ATP9B: variants seen among roughly 807,000 people sequenced by gnomAD.
The protein encoded by ATP9B is probable phospholipid-transporting ATPase IIB.
Under a neutral mutation model 146.1 loss-of-function variants are expected in ATP9B, and 110 were observed. The ratio of observed to expected loss-of-function variants is 0.75; its 90% confidence interval spans 0.65 to 0.88. ATP9B has a LOEUF of 0.88. Among genes scored for constraint, ATP9B ranks in the 40% least tolerant of loss-of-function variants. The probability of loss-of-function intolerance (pLI) is 0.00; values close to 1 mark genes in which losing one functional copy is unlikely to be tolerated. For synonymous variants in ATP9B, 604 were observed against 569.7 expected (o/e 1.06, Z -0.86); for missense variants, 1,499 against 1,496.4 (o/e 1.00, Z -0.03).
At chr18:79,101,576 G>T (rs1264021545) in intron 2 of ATP9B, among the ~76,000 whole-genome samples, 1 of 152,152 alleles carries the variant, frequency 6.6e-6, no homozygotes, top group Non-Finnish European at 1.5e-5. Flanking sequence ...GGGTTGTATG[G>T]TAAGTGTATA....
chr18:79,070,980 GT>G (rs1229073717), intron 1 of ATP9B, among the ~76,000 whole-genome samples: 2 of 147,286 alleles, frequency 1.4e-5, no homozygotes, highest in Non-Finnish European at 3.0e-5. Context: ...TTACTGATAT[GT>G]TAGAATATAA....
chr18:79,224,585 G>A (rs1171442184), intron 11 of ATP9B, among the ~76,000 whole-genome samples: 1 of 152,152 alleles, frequency 6.6e-6, no homozygotes, highest in East Asian at 1.9e-4. Flanking sequence ...TCAAAAACAG[G>A]TCACGTGTGT....
chr18:79,248,205 CTT>C (rs907010753), intron 11 of ATP9B, among the ~76,000 whole-genome samples: 7 of 151,840 alleles, frequency 4.6e-5, no homozygotes, highest in Admixed American at 3.9e-4. Context: ...GAATAATAAA[CTT>C]CAGAAGGAAA....
At chr18:79,286,099 G>A (rs372922523) in intron 13 of ATP9B, among the ~76,000 whole-genome samples, 1,921 of 150,922 alleles carry the variant, frequency 0.013, 29 homozygotes, top group African/African-American at 0.037. Flanking sequence ...TTGGCGATGC[G>A]GGCTCTTTTT....
chr18:79,291,175 T>C (rs1461796848), intron 13 of ATP9B, among the ~76,000 whole-genome samples: 2 of 152,208 alleles, frequency 1.3e-5, no homozygotes, highest in African/African-American at 2.4e-5. Flanking sequence ...GCAGCTTTTT[T>C]TTTTTAAGAA....
At chr18:79,289,220 G>C (rs1599649410) in intron 13 of ATP9B, among the ~76,000 whole-genome samples, 1 of 152,202 alleles carries the variant, frequency 6.6e-6, no homozygotes, top group East Asian at 1.9e-4. Context: ...TTTCCAACTT[G>C]GTTCCATTCT....
chr18:79,282,426 C>T (rs149038834), intron 13 of ATP9B, among the ~76,000 whole-genome samples: 27 of 152,320 alleles, frequency 1.8e-4, no homozygotes, highest in African/African-American at 6.5e-4. Context: ...GGAATTGCCA[C>T]AGCCAGTCCA....
At chr18:79,179,164 A>G (rs1228671626) in intron 8 of ATP9B, among the ~76,000 whole-genome samples, 5 of 152,264 alleles carry the variant, frequency 3.3e-5, no homozygotes, top group African/African-American at 9.6e-5. Context: ...TAGCCATTTT[A>G]GGATTCCTTC....
At chr18:79,245,626 GGGAGGGTACCGCCCTACTGACTGA>G (rs1306771870) in intron 11 of ATP9B, among the ~76,000 whole-genome samples, 160 of 98,906 alleles carry the variant, frequency 1.6e-3, no homozygotes, top group African/African-American at 4.5e-3. Context: ...CTACTGACTG[GGGAGGGTACCGCCCTACTGACTGA>G]GGAGGGTACC....
chr18:79,231,282 A>T (rs2095788904), intron 11 of ATP9B, among the ~76,000 whole-genome samples: 2 of 152,174 alleles, frequency 1.3e-5, no homozygotes, highest in Admixed American at 1.3e-4. Context: ...TCTACAAGGA[A>T]CACAAGTCAT....
chr18:79,195,500 C>T (rs1373956980), intron 9 of ATP9B, among the ~76,000 whole-genome samples: 1 of 152,074 alleles, frequency 6.6e-6, no homozygotes, highest in Non-Finnish European at 1.5e-5. Flanking sequence ...AAAGAAAAAA[C>T]CTCAATGCAA....
chr18:79,348,248 GAAAAAAAAAA>G (rs56654324), intron 25 of ATP9B, 52 bp downstream of exon 25: 2 of 827,706 alleles, frequency 2.4e-6, no homozygotes, highest in Admixed American at 2.5e-5. Flanking sequence ...CTTCTATTTT[GAAAAAAAAAA>G]AAAAAAAAAA....
intron 12 of ATP9B, among the ~76,000 whole-genome samples, chr18:79,257,820 C>A (rs1392061113): frequency 1.3e-5 from 2 of 152,196 alleles, no homozygotes; most frequent in African/African-American, 4.8e-5. Flanking sequence ...CAGTTGATTT[C>A]TTTCAGTTCT....
intron 1 of ATP9B, among the ~76,000 whole-genome samples, chr18:79,074,940 G>A (rs916131472): frequency 1.3e-5 from 2 of 152,196 alleles, no homozygotes; most frequent in African/African-American, 4.8e-5. Context: ...GTAAGATATT[G>A]TGACTCAACC....
At chr18:79,218,973 T>G (rs1324055095) in intron 11 of ATP9B, among the ~76,000 whole-genome samples, 1 of 152,126 alleles carries the variant, frequency 6.6e-6, no homozygotes, top group Non-Finnish European at 1.5e-5. Context: ...AAGAGGAACC[T>G]TGCAGAACCC....
intron 21 of ATP9B, 55 bp from the exon 22 acceptor site, chr18:79,345,373 A>C: frequency 6.3e-7 from 1 of 1,595,208 alleles, no homozygotes. Context: ...CATTACACAA[A>C]TCTGGGACAC....
At chr18:79,081,843 T>C (rs1282903192) in intron 1 of ATP9B, among the ~76,000 whole-genome samples, 1 of 151,932 alleles carries the variant, frequency 6.6e-6, no homozygotes, top group African/African-American at 2.4e-5. Context: ...CTAAACATTT[T>C]TTCCTTCATT....
chr18:79,091,756 T>C (rs1230856508), intron 1 of ATP9B, among the ~76,000 whole-genome samples: 2 of 152,224 alleles, frequency 1.3e-5, no homozygotes, highest in Non-Finnish European at 2.9e-5. Flanking sequence ...CCAATTTGGA[T>C]TCCCCCTATA....
intron 12 of ATP9B, among the ~76,000 whole-genome samples, chr18:79,272,022 CTGCATAA>C (rs1445221547): frequency 5.9e-5 from 9 of 152,200 alleles, no homozygotes; most frequent in Non-Finnish European, 1.3e-4. Context: ...TGTCTTTTGG[CTGCATAA>C]ATGTCTTCTT....
Sources: gnomAD v4.1 joint callset for allele counts (sites outside exome capture counted in the v4.1 genomes callset) on GRCh38, gnomAD v4.1.1 for gene constraint, MANE v1.5 for transcripts, NCBI Gene and HGNC (gene_info 2026-07-23, HGNC 2026-07-21) for gene names.